The following DLEC1 variants were observed in gnomAD, a reference collection of about 807,000 sequenced individuals.
DLEC1 encodes the protein deleted in lung and esophageal cancer protein 1.
DLEC1 carries 146 observed loss-of-function variants against 198.1 expected under a neutral mutation model. The ratio of observed to expected loss-of-function variants is 0.74; its 90% CI spans 0.64 to 0.85. DLEC1 has a LOEUF of 0.85. Among genes scored for constraint, DLEC1 ranks in the 40% least tolerant of loss-of-function variants. The pLI is 0.00. For synonymous variants in DLEC1, 897 were observed against 866.8 expected, an observed-to-expected ratio of 1.03 and a Z score of -0.61; for missense variants, 2,233 against 2,220.0, an observed-to-expected ratio of 1.01 and a Z score of -0.12.
chr3:38,105,263 T>G (rs1301793956), intron 19 of DLEC1, among the ~76,000 whole-genome samples: 1 of 133,850 alleles, frequency 7.5e-6, no homozygotes, highest in Non-Finnish European at 1.6e-5. Flanking sequence ...CTGCTGTTAT[T>G]GTGTAGAGTG....
rs3845956 is a variant in DLEC1 at position 38,068,420 on chromosome 3, G to A, written c.1173+4501G>A. 6.7e-3 allele frequency among the ~76,000 whole-genome samples: 1,013 copies of A among 151,862 alleles called. 8 individuals are homozygous for A. The highest frequency in any genetic ancestry group is 0.027 in the Middle Eastern group (8 of 294). ...TAATTTTTGTATTTTTTGTATAGAC[G>A]GGTTTTTGCTATGTTGCCCAGGCTG... On this transcript the variant is annotated intron_variant, in intron 6 of 36. Transcript: ENST00000308059.
chr3:38,097,600 C>G lies in DLEC1; in HGVS notation c.2528C>G (p.Pro843Arg), dbSNP rs766601029. The G allele has an allele frequency of 7.6e-5, 122 of 1,614,056 alleles. No homozygotes were observed. The highest frequency in any genetic ancestry group is 9.7e-5 in the Non-Finnish European group (115 of 1,180,040). Residue 843 changes from proline to arginine, a missense_variant, in exon 17 of 37, where the codon CCC (proline) becomes CGC (arginine). Coordinates refer to ENST00000308059, the MANE Select transcript of DLEC1 (RefSeq NM_007335.4). ...QDLLCEIEDSPSPVVLHIEAV... is the reference protein window; with the variant it reads ...QDLLCEIEDSRSPVVLHIEAV... Reference sequence around the variant, plus strand: ...CTGCTGTGTGAAATCGAAGACTCGCCCTCGCCAGTGGTGTTACACATTGAG... The same window carrying G: ...CTGCTGTGTGAAATCGAAGACTCGCGCTCGCCAGTGGTGTTACACATTGAG...
chr3:38,122,008 G>A, intron 35 of DLEC1, 63 bp from the exon 36 acceptor site: 1 of 1,595,158 alleles, frequency 6.3e-7, no homozygotes, highest in South Asian at 1.1e-5. Context: ...GGTGGGTAAA[G>A]TCTTCCTGTG....
In DLEC1 at chr3:38,093,767, C is replaced by T. The variant is rs139832469; in HGVS notation, c.1919C>T (p.Thr640Met). 1.0e-4 allele frequency: 169 copies of T among 1,613,820 alleles called. No homozygotes were observed. In the Admixed American group the frequency reaches 2.1e-3, roughly 21 times the overall value. The part of the protein sequence containing the change: ...ARKQLIIRNA[T>M]HVELAFYWQI... Reference sequence around the variant, plus strand: ...AAGCAGCTGATTATTAGAAATGCTACGTGGGTAACCCCTGTGTGTGCCCCA... The same window carrying T: ...AAGCAGCTGATTATTAGAAATGCTATGTGGGTAACCCCTGTGTGTGCCCCA... The change falls in exon 12 of 37, where the codon ACG becomes ATG. Residue 640 changes from threonine to methionine, a missense_variant and splice_region_variant. Coordinates refer to ENST00000308059, the MANE Select transcript of DLEC1 (RefSeq NM_007335.4).
intron 22 of DLEC1, 27 bp downstream of exon 22, chr3:38,109,589 G>A: frequency 6.2e-7 from 1 of 1,613,762 alleles, no homozygotes; most frequent in Non-Finnish European, 8.5e-7. Flanking sequence ...TGGTCTGGGG[G>A]TGGCAGTGGA....
intron 6 of DLEC1, among the ~76,000 whole-genome samples, chr3:38,071,636 C>T (rs939490170): frequency 2.6e-5 from 4 of 152,214 alleles, no homozygotes; most frequent in Non-Finnish European, 4.4e-5. Flanking sequence ...CTTGTCTAGC[C>T]ACCTTATCAG....
chr3:38,047,487 T>G (rs1238533714), intron 2 of DLEC1, among the ~76,000 whole-genome samples: 4 of 152,274 alleles, frequency 2.6e-5, no homozygotes, highest in Admixed American at 6.5e-5. Flanking sequence ...TATATCAGAA[T>G]GTTAATAATG....
At chr3:38,052,689 C>G (rs1701181732) in intron 2 of DLEC1, among the ~76,000 whole-genome samples, 1 of 152,226 alleles carries the variant, frequency 6.6e-6, no homozygotes, top group African/African-American at 2.4e-5. Context: ...TATCTGAGAT[C>G]TTGCATTGGG....
In DLEC1 at chr3:38,112,223, C is replaced by G. The variant is rs757027066; in HGVS notation, c.3528C>G (p.Ser1176Arg). Residue 1176 changes from serine to arginine, a missense_variant, in exon 25 of 37, where the codon AGC becomes AGG. Coordinates refer to ENST00000308059, the MANE Select transcript of DLEC1 (RefSeq NM_007335.4). This position sits in a 1 kb window ranked among gnomAD's most constrained non-coding sequence, Gnocchi z 4.8. ...AKREQLDFMESMLSHGKGAAF... is the reference protein window; with the variant it reads ...AKREQLDFMERMLSHGKGAAF... The stretch of plus-strand genomic sequence containing the variant: ...GTTCTTTCCCAGATTTTATGGAGAG[C>G]ATGCTATCCCACGGGAAAGGAGCTG... 1.2e-5 allele frequency: 19 copies of G among 1,614,172 alleles called. 1 individual carries two copies. The highest frequency in any genetic ancestry group is 1.4e-5 in the Non-Finnish European group (16 of 1,180,014).
intron 14 of DLEC1, 121 bp from the exon 15 acceptor site, chr3:38,096,447 AG>A: frequency 8.5e-7 from 1 of 1,177,854 alleles, no homozygotes; most frequent in South Asian, 1.5e-5. Context: ...TAGGGGGCTC[AG>A]GAGCTGTGGG....
intron 1 of DLEC1, among the ~76,000 whole-genome samples, chr3:38,044,281 G>A (rs1575376739): frequency 6.6e-6 from 1 of 152,060 alleles, no homozygotes; most frequent in African/African-American, 2.4e-5. Context: ...AAATAAGACT[G>A]GGCGCAGTGG....
chr3:38,081,939 G>A (rs1379052132), intron 6 of DLEC1, among the ~76,000 whole-genome samples: 1 of 146,298 alleles, frequency 6.8e-6, no homozygotes, highest in Non-Finnish European at 1.5e-5. Context: ...GCCGGGCGGA[G>A]ATGCTCCTCA....
chr3:38,083,730 A>T (rs1461486237), intron 6 of DLEC1, among the ~76,000 whole-genome samples: 1 of 152,134 alleles, frequency 6.6e-6, no homozygotes, highest in Non-Finnish European at 1.5e-5. Context: ...GTTCTGACAG[A>T]TCTATTCCTG....
intron 10 of DLEC1, among the ~76,000 whole-genome samples, chr3:38,089,689 C>G (rs191808851): frequency 3.3e-5 from 5 of 152,242 alleles, no homozygotes; most frequent in African/African-American, 9.6e-5. Context: ...CTGGACATCC[C>G]CCTCATCCCA....
intron 34 of DLEC1, among the ~76,000 whole-genome samples, chr3:38,121,037 C>A (rs534663177): frequency 2.6e-5 from 4 of 152,272 alleles, no homozygotes; most frequent in South Asian, 2.1e-4. Context: ...GGTCACCAGG[C>A]CGTAGTGTGG....
chr3:38,081,943 C>T (rs1435505693), intron 6 of DLEC1, among the ~76,000 whole-genome samples: 1 of 145,756 alleles, frequency 6.9e-6, no homozygotes, highest in African/African-American at 2.5e-5. Context: ...GGCGGAGATG[C>T]TCCTCACTTC....
At position 38,099,495 on chromosome 3, in the gene DLEC1, T is replaced by TG. The variant is rs538260854; in HGVS notation, c.2725-787dup. Reference sequence around the variant, plus strand: ...AGCTCTCAAAAATAATGTTGGGATTTGGGGTTTGTTAGATGGTCTCAGATT... The same window carrying TG: ...AGCTCTCAAAAATAATGTTGGGATTTGGGGGTTTGTTAGATGGTCTCAGATT... On this transcript the variant is annotated intron_variant, in intron 18 of 36. Coordinates refer to ENST00000308059, the MANE Select transcript of DLEC1 (RefSeq NM_007335.4). Among the ~76,000 whole-genome samples, 994 of 152,328 alleles carry TG rather than the reference T, an allele frequency of 6.5e-3. 6 individuals are homozygous for TG. Among genetic ancestry groups the TG allele is most frequent in the Non-Finnish European group, 0.01 (690 of 68,038 alleles).
chr3:38,052,965 T>G (rs570840306), intron 2 of DLEC1, among the ~76,000 whole-genome samples: 1 of 152,186 alleles, frequency 6.6e-6, no homozygotes. Context: ...GGTTTTCGTA[T>G]TTTTTTGGTG....
chr3:38,122,388 A>C lies in DLEC1; in HGVS notation c.5244A>C (p.Arg1748Ser), dbSNP rs1700529847. 1 of 1,614,006 alleles carries C rather than the reference A, an allele frequency of 6.2e-7. No individual in the cohort carries two copies. The highest frequency in any genetic ancestry group is 8.5e-7 in the Non-Finnish European group (1 of 1,180,024). Residue 1748 changes from arginine (R) to serine (S), a missense_variant, in exon 37 of 37, where the codon AGA becomes AGC. Coordinates refer to ENST00000308059, the MANE Select transcript of DLEC1 (RefSeq NM_007335.4). ...RLRGQGSYDE[R>S]YMLPHQP is the part of the protein sequence containing the mutation. Reference sequence around the variant, plus strand: ...GGGGCCAAGGCTCCTATGATGAGAGATACATGTTGCCTCACCAGCCCTGAG... The same window carrying C: ...GGGGCCAAGGCTCCTATGATGAGAGCTACATGTTGCCTCACCAGCCCTGAG...
Sources: allele counts gnomAD v4.1 joint callset (sites outside exome capture counted in the v4.1 genomes callset), GRCh38; gene constraint gnomAD v4.1.1; non-coding constraint Gnocchi (gnomAD v3.1); transcripts MANE v1.5; gene names NCBI Gene and HGNC (gene_info 2026-07-23, HGNC 2026-07-21).